PDE1A: variants seen among roughly 807,000 people sequenced by gnomAD.
PDE1A encodes the protein dual specificity calcium/calmodulin-dependent 3',5'-cyclic nucleotide phosphodiesterase 1A.
Under a neutral mutation model 61.7 loss-of-function variants are expected in PDE1A, and 35 were observed. The observed-to-expected ratio is 0.57, with a 90% confidence interval of 0.43 to 0.75. The LOEUF is 0.75. Ranked by LOEUF, PDE1A falls within the 30% of genes least tolerant of loss-of-function variation. PDE1A has a pLI of 0.00. For missense variants in PDE1A, 597 were observed against 630.6 expected (o/e 0.95, Z 0.57); for synonymous variants, 232 against 213.2 (o/e 1.09, Z -0.77).
At chr2:182,493,476 C>G (rs1344507089) in intron 2 of PDE1A, among the ~76,000 whole-genome samples, 8 of 152,246 alleles carry the variant, frequency 5.3e-5, no homozygotes, top group Admixed American at 4.6e-4. Flanking sequence ...GTTCCCCTTC[C>G]TGTATCCAAG....
intron 1 of PDE1A, among the ~76,000 whole-genome samples, chr2:182,291,082 C>A (rs1694501853): frequency 6.6e-6 from 1 of 152,064 alleles, no homozygotes; most frequent in South Asian, 2.1e-4. Flanking sequence ...TTCTTTCCTG[C>A]AGCCACAATG....
At chr2:182,167,177 C>T (rs77799984), downstream of PDE1A, among the ~76,000 whole-genome samples, 172 of 152,204 alleles carry the variant, frequency 1.1e-3, 1 homozygote, top group African/African-American at 3.4e-3. Context: ...TAAATTCCTA[C>T]GGCTATAAGA....
intron 7 of PDE1A, among the ~76,000 whole-genome samples, chr2:182,208,319 G>C (rs1687286500): frequency 6.6e-6 from 1 of 152,184 alleles, no homozygotes; most frequent in East Asian, 1.9e-4. Context: ...GAAGGCAAAG[G>C]GGGAAGCAAG....
At chr2:182,682,533 G>C in the PDE1A span, among the ~76,000 whole-genome samples, 1 of 152,102 alleles carries the variant, frequency 6.6e-6, no homozygotes, top group Admixed American at 6.5e-5. Context: ...CATTTCCTGA[G>C]AAAGGAGCTC....
chr2:182,230,035 GCA>G lies in PDE1A; in HGVS notation c.644_645del (p.Val215AlafsTer15). On this transcript the variant is annotated frameshift_variant, in exon 6 of 14. Coordinates refer to ENST00000351439, the Ensembl canonical transcript of PDE1A. LOFTEE classifies it high-confidence loss of function. Reference sequence around the variant, plus strand: ...ATACCTGTATGAAGCATTATGTAATGCACAGTTTGAGTGACATCAGCTGCATG... The same window carrying G: ...ATACCTGTATGAAGCATTATGTAATGCAGTTTGAGTGACATCAGCTGCATG... 1 of 1,612,826 alleles carries G rather than the reference GCA, an allele frequency of 6.2e-7. No individual in the cohort carries two copies. Among genetic ancestry groups the G allele is most frequent in the East Asian group, 2.2e-5 (1 of 44,784 alleles).
chr2:182,260,292 CA>C (rs1190271521), intron 2 of PDE1A, among the ~76,000 whole-genome samples: 6 of 152,098 alleles, frequency 3.9e-5, no homozygotes, highest in Non-Finnish European at 8.8e-5. Flanking sequence ...AATTTTCTAT[CA>C]AAAAACATTT....
downstream of PDE1A, among the ~76,000 whole-genome samples, chr2:182,144,298 G>A (rs1690381326): frequency 6.6e-6 from 1 of 152,318 alleles, no homozygotes; most frequent in Admixed American, 6.5e-5. Flanking sequence ...GAAAGATAAT[G>A]TGATAAATGA....
At chr2:182,293,422 G>A (rs1694666620) in intron 1 of PDE1A, among the ~76,000 whole-genome samples, 1 of 151,976 alleles carries the variant, frequency 6.6e-6, no homozygotes, top group Non-Finnish European at 1.5e-5. Flanking sequence ...AGTTACTTCA[G>A]TATTAATGAT....
chr2:182,421,908 GC>G (rs1703300445), intron 1 of PDE1A, among the ~76,000 whole-genome samples: 1 of 152,070 alleles, frequency 6.6e-6, no homozygotes, highest in Non-Finnish European at 1.5e-5. Context: ...CTTTTTCTAG[GC>G]TTTCCTATTT....
At chr2:182,376,471 A>G (rs1486070636) in intron 1 of PDE1A, among the ~76,000 whole-genome samples, 1 of 152,220 alleles carries the variant, frequency 6.6e-6, no homozygotes, top group African/African-American at 2.4e-5. Flanking sequence ...TCATCTCAGC[A>G]TCTGAGACCA....
the PDE1A span, among the ~76,000 whole-genome samples, chr2:182,566,336 A>G: frequency 6.6e-6 from 1 of 152,116 alleles, no homozygotes; most frequent in African/African-American, 2.4e-5. Flanking sequence ...TTTTTAAGTT[A>G]TATTTCATAT....
intron 6 of PDE1A, among the ~76,000 whole-genome samples, chr2:182,224,782 G>T (rs1262582440): frequency 6.6e-6 from 1 of 151,808 alleles, no homozygotes; most frequent in African/African-American, 2.4e-5. Flanking sequence ...CACTTTCCCA[G>T]TTACACTAGC....
the PDE1A span, among the ~76,000 whole-genome samples, chr2:182,583,661 T>G: frequency 1.3e-5 from 2 of 152,334 alleles, no homozygotes; most frequent in East Asian, 3.9e-4. Flanking sequence ...TCTACTGAAA[T>G]AGCCTTGAAT....
chr2:182,201,979 A>G (rs1159844256), intron 8 of PDE1A, among the ~76,000 whole-genome samples, 190 bp from the exon 9 acceptor site: 1 of 152,218 alleles, frequency 6.6e-6, no homozygotes, highest in African/African-American at 2.4e-5. Flanking sequence ...TCATGGATCT[A>G]AGAAGTTGCC....
chr2:182,236,324 C>T (rs1202461343), intron 3 of PDE1A, among the ~76,000 whole-genome samples: 1 of 150,260 alleles, frequency 6.7e-6, no homozygotes, highest in Non-Finnish European at 1.5e-5. Flanking sequence ...AGAATAATTA[C>T]TATCAACAGT....
chr2:182,436,023 C>T (rs1476351509), intron 2 of PDE1A, among the ~76,000 whole-genome samples: 1 of 152,014 alleles, frequency 6.6e-6, no homozygotes, highest in Non-Finnish European at 1.5e-5. Context: ...TAGAACCATC[C>T]ACTGACTTTG....
intron 2 of PDE1A, among the ~76,000 whole-genome samples, chr2:182,469,955 G>C (rs1045096557): frequency 6.6e-6 from 1 of 151,762 alleles, no homozygotes; most frequent in African/African-American, 2.4e-5. Context: ...CATGTGGTTG[G>C]TGCCCCACAA....
chr2:182,241,805 A>G (rs749964848), intron 2 of PDE1A: 2 of 1,512,620 alleles, frequency 1.3e-6, no homozygotes, highest in East Asian at 4.8e-5. Flanking sequence ...TACTTACTCT[A>G]TATGATTTTT....
the PDE1A span, among the ~76,000 whole-genome samples, chr2:182,534,118 G>T: frequency 6.6e-6 from 1 of 151,926 alleles, no homozygotes; most frequent in Non-Finnish European, 1.5e-5. Context: ...TGATGTAGAG[G>T]CATATAAAAG....
Sources: allele counts gnomAD v4.1 joint callset (sites outside exome capture counted in the v4.1 genomes callset), GRCh38; gene constraint gnomAD v4.1.1; transcripts MANE v1.5; gene names NCBI Gene and HGNC (gene_info 2026-07-23, HGNC 2026-07-21).